JDP2: variants seen among roughly 807,000 people sequenced by gnomAD.
JDP2 encodes the protein progesterone receptor co-activator.
A neutral mutation model predicts 17.1 loss-of-function variants in JDP2; 9 were observed. The ratio of observed to expected loss-of-function variants is 0.53; its 90% CI spans 0.32 to 0.92. The LOEUF (loss-of-function observed/expected upper bound fraction) is 0.92, where lower values mean the gene tolerates loss of function less well. Among genes scored for constraint, JDP2 ranks in the 40% least tolerant of loss-of-function variants. JDP2 has a pLI of 0.04. For synonymous variants in JDP2, 107 were observed against 95.6 expected (o/e 1.12, Z -0.69); for missense variants, 179 against 220.0 (o/e 0.81, Z 1.18).
intron 1 of JDP2, among the ~76,000 whole-genome samples, chr14:75,432,713 C>T (rs1884865179): frequency 6.6e-6 from 1 of 152,218 alleles, no homozygotes; most frequent in African/African-American, 2.4e-5. Flanking sequence ...GTTTTATAGC[C>T]TCCTTGAAAC....
intron 2 of JDP2, among the ~76,000 whole-genome samples, chr14:75,452,081 G>C (rs1885891762): frequency 6.6e-6 from 1 of 152,186 alleles, no homozygotes; most frequent in South Asian, 2.1e-4. Context: ...ACTGTGCCCA[G>C]CTAAGAAACT....
intron 2 of JDP2, among the ~76,000 whole-genome samples, chr14:75,450,293 G>A (rs533504880): frequency 6.6e-5 from 10 of 152,204 alleles, no homozygotes; most frequent in South Asian, 2.1e-4. Context: ...GTCACTGTCC[G>A]ACCCAGGACC....
chr14:75,462,844 TGAG>T (rs1471897847), intron 3 of JDP2, among the ~76,000 whole-genome samples: 1 of 152,136 alleles, frequency 6.6e-6, no homozygotes, highest in Non-Finnish European at 1.5e-5. Flanking sequence ...CTCCAGGCTG[TGAG>T]TGTCCAGTGC....
chr14:75,443,986 T>C (rs564349303), intron 2 of JDP2, among the ~76,000 whole-genome samples: 2 of 152,246 alleles, frequency 1.3e-5, no homozygotes, highest in East Asian at 3.9e-4. Flanking sequence ...CACTGCAGCC[T>C]TGACCTCTTG....
At chr14:75,450,772 C>T (rs1347905935) in intron 2 of JDP2, among the ~76,000 whole-genome samples, 2 of 152,172 alleles carry the variant, frequency 1.3e-5, no homozygotes, top group African/African-American at 4.8e-5. Flanking sequence ...ACGCAAGGTG[C>T]TGAGCACACA....
chr14:75,452,505 T>A (rs1286446360), intron 2 of JDP2, among the ~76,000 whole-genome samples: 1 of 152,130 alleles, frequency 6.6e-6, no homozygotes, highest in Non-Finnish European at 1.5e-5. Flanking sequence ...ACAAGCCCAC[T>A]AGGGTCAGCT....
chr14:75,432,056 AC>A, intron 1 of JDP2: 1 of 557,188 alleles, frequency 1.8e-6, no homozygotes, highest in Admixed American at 3.2e-5. Context: ...GCTAGGATTC[AC>A]ACTCAGGTGA....
chr14:75,459,821 G>T (rs1463059827), intron 2 of JDP2, among the ~76,000 whole-genome samples: 2 of 152,228 alleles, frequency 1.3e-5, no homozygotes, highest in Non-Finnish European at 2.9e-5. Flanking sequence ...TACCAGGTAG[G>T]TAGGCAAGAG....
chr14:75,469,587 A>G lies in JDP2; in HGVS notation c.*112A>G, dbSNP rs78076619. ...TCCTTTGGTGCATGAAAAACTGTAC[A>G]ATGAGGTTCAGCACAGCCAGCATCA... On this transcript the variant is annotated 3_prime_UTR_variant, in exon 4 of 4. Transcript: ENST00000651602. 1.6e-4 allele frequency: 142 copies of G among 911,702 alleles called. No individual in the cohort carries two copies. Among genetic ancestry groups the G allele is most frequent in the Non-Finnish European group, 2.1e-4 (129 of 608,190 alleles). The allele number at this position is 911,702 out of a possible 1,614,324, so 56.5% of individuals were successfully genotyped here.
intron 2 of JDP2, among the ~76,000 whole-genome samples, chr14:75,457,808 C>T (rs964502430): frequency 1.1e-4 from 17 of 152,256 alleles, no homozygotes; most frequent in African/African-American, 3.6e-4. Context: ...CTAGGGAAGG[C>T]AGGCTCCCAG....
chr14:75,454,374 G>A (rs555107184), intron 2 of JDP2, among the ~76,000 whole-genome samples: 7 of 152,328 alleles, frequency 4.6e-5, no homozygotes, highest in African/African-American at 7.2e-5. Flanking sequence ...GAGCATCTAC[G>A]CAGCCTTGAT....
rs75364171 is a variant in JDP2, at chr14:75,430,078, T to G, written c.-24+1826T>G. On this transcript the variant is annotated intron_variant, in intron 1 of 3. Transcript: ENST00000651602. This position sits in a 1 kb window ranked among gnomAD's most constrained non-coding sequence, Gnocchi z 4.5. ...TCCCCACTCATCCACTGCCTAACTTTTGCAGCTACCAGGGAATGCTCCTCC... is the reference window on the plus strand; with the variant it reads ...TCCCCACTCATCCACTGCCTAACTTGTGCAGCTACCAGGGAATGCTCCTCC... Among the ~76,000 whole-genome samples the G allele has an allele frequency of 3.7e-4, 57 of 152,334 alleles. No homozygotes were observed. In the East Asian group the frequency reaches 7.7e-3, roughly 21 times the overall value.
chr14:75,463,188 G>A (rs537192675), intron 3 of JDP2, among the ~76,000 whole-genome samples: 1 of 152,378 alleles, frequency 6.6e-6, no homozygotes, highest in African/African-American at 2.4e-5. Flanking sequence ...GGCACTCACT[G>A]CCCATCACAT....
At chr14:75,451,824 C>T (rs1436081356) in intron 2 of JDP2, among the ~76,000 whole-genome samples, 1 of 130,334 alleles carries the variant, frequency 7.7e-6, no homozygotes, top group Non-Finnish European at 1.6e-5. Flanking sequence ...CAAGCCATTT[C>T]CTTCTCTGGG....
chr14:75,461,294 C>T, intron 2 of JDP2, 132 bp from the exon 3 acceptor site: 1 of 670,926 alleles, frequency 1.5e-6, no homozygotes, highest in Non-Finnish European at 2.7e-6. Flanking sequence ...AGTGGGCTGG[C>T]AGAAGTGATC....
intron 1 of JDP2, among the ~76,000 whole-genome samples, chr14:75,429,571 T>C (rs1244945957): frequency 6.6e-6 from 1 of 152,172 alleles, no homozygotes; most frequent in East Asian, 1.9e-4. Context: ...ACACTTCCCA[T>C]TGCTTTTACC....
intron 1 of JDP2, among the ~76,000 whole-genome samples, chr14:75,431,276 G>A (rs1479382575): frequency 7.2e-5 from 11 of 152,248 alleles, no homozygotes; most frequent in Admixed American, 6.5e-5. Flanking sequence ...AGAGGACAAA[G>A]CGATGTTATA....
In JDP2 at chr14:75,450,883, G is replaced by T. The variant is rs377676709; in HGVS notation, c.202-10543G>T. On this transcript the variant is annotated intron_variant, in intron 2 of 3. Coordinates refer to ENST00000651602, the MANE Select transcript of JDP2 (RefSeq NM_001135048.2). ...TATAATACAGTAGGGGCCAGGATAC[G>T]CTCAGAGCAGAGGGACACCTCCTCA... is the stretch of plus-strand genomic sequence containing the variant. 7.2e-5 allele frequency among the ~76,000 whole-genome samples: 11 copies of T among 152,314 alleles called. No individual in the cohort carries two copies. In the East Asian group the frequency reaches 1.7e-3, roughly 24 times the overall value.
At position 75,471,018 on chromosome 14, in the gene JDP2, AC is replaced by A. The variant is rs1886797703; in HGVS notation, c.*1546del. 6.6e-6 allele frequency: 1 copy of A among 152,208 alleles called. No homozygotes were observed. The highest frequency in any genetic ancestry group is 2.1e-4 in the South Asian group (1 of 4,830). The allele number at this position is 152,208 out of a possible 1,614,324, so 9.4% of individuals were successfully genotyped here. The stretch of plus-strand genomic sequence containing the variant: ...GAAGGTAAGCGACTTATCCAAGGTA[AC>A]CCAGCTAGCAAGGGATAGAGCTGGT... On this transcript the variant is annotated 3_prime_UTR_variant, in exon 4 of 4. Coordinates refer to ENST00000651602, the MANE Select transcript of JDP2 (RefSeq NM_001135048.2).
Sources: gnomAD v4.1 joint callset for allele counts (sites outside exome capture counted in the v4.1 genomes callset) on GRCh38, gnomAD v4.1.1 for gene constraint, Gnocchi (gnomAD v3.1) non-coding constraint, MANE v1.5 for transcripts, NCBI Gene and HGNC (gene_info 2026-07-23, HGNC 2026-07-21) for gene names.